Variants in CFAP47 observed in about 807,000 individuals in gnomAD.
CFAP47 encodes the protein cilia and flagella associated protein 47, also known as cilia- and flagella-associated protein 47.
Under a neutral mutation model 148.1 loss-of-function variants are expected in CFAP47, and 29 were observed. The ratio of observed to expected loss-of-function variants is 0.20; its 90% CI spans 0.15 to 0.27. The LOEUF (loss-of-function observed/expected upper bound fraction) is 0.27. Ranked by LOEUF, CFAP47 falls within the 10% of genes least tolerant of loss-of-function variation. CFAP47 has a pLI of 1.00. For synonymous variants in CFAP47, 664 were observed against 577.3 expected (o/e 1.15, Z -2.15); for missense variants, 1,872 against 1,697.5 (o/e 1.10, Z -1.81).
chrX:36,273,539 A>G (rs1940982605), intron 49 of CFAP47, among the ~76,000 whole-genome samples: 1 of 111,321 alleles, frequency 9.0e-6, no homozygotes, highest in Non-Finnish European at 1.9e-5. Flanking sequence ...TTACCAAAGC[A>G]GTCTAATAAT....
rs150134205 is a variant in CFAP47 at position 36,303,476 on chromosome X, T to C, written c.7971-373T>C. Among the ~76,000 whole-genome samples the C allele has an allele frequency of 4.6e-3, 506 of 110,635 alleles. 2 individuals carry two copies. The highest frequency in any genetic ancestry group is 0.014 in the African/African-American group (429 of 30,454). On this transcript the variant is annotated intron_variant, in intron 53 of 63. Coordinates refer to ENST00000378653, the MANE Select transcript of CFAP47 (RefSeq NM_001304548.2). ...TTGGGATTACAGGCATGAGCCACTGTGCCTGGTCTTTTTTAGCTTCTTCTG... is the reference window on the plus strand; with the variant it reads ...TTGGGATTACAGGCATGAGCCACTGCGCCTGGTCTTTTTTAGCTTCTTCTG...
intron 33 of CFAP47, among the ~76,000 whole-genome samples, chrX:36,126,150 C>T (rs963134398): frequency 5.5e-5 from 6 of 108,582 alleles, no homozygotes; most frequent in Non-Finnish European, 1.1e-4. Context: ...AGTTTTGTTA[C>T]ATAGGTATAC....
chrX:36,135,548 C>A (rs556005241), intron 33 of CFAP47, among the ~76,000 whole-genome samples: 1 of 111,752 alleles, frequency 8.9e-6, no homozygotes, highest in African/African-American at 3.2e-5. Context: ...CAAGACCCCA[C>A]AAGACTACAT....
intron 33 of CFAP47, among the ~76,000 whole-genome samples, chrX:36,119,852 CT>C: frequency 9.0e-6 from 1 of 111,558 alleles, no homozygotes; most frequent in Admixed American, 9.5e-5. Context: ...CATATAGTTG[CT>C]CATAGTGTCT....
intron 39 of CFAP47, among the ~76,000 whole-genome samples, chrX:36,161,348 AT>A (rs1939427912): frequency 9.0e-6 from 1 of 111,681 alleles, no homozygotes; most frequent in South Asian, 3.7e-4. Context: ...TTATTAAAAA[AT>A]ATGTATAATT....
At chrX:35,952,748 A>C (rs1053795323) in intron 6 of CFAP47, among the ~76,000 whole-genome samples, 1 of 111,871 alleles carries the variant, frequency 8.9e-6, no homozygotes, top group Admixed American at 9.5e-5. Context: ...ACCTTCATAC[A>C]AGTAGTTTCT....
intron 8 of CFAP47, among the ~76,000 whole-genome samples, chrX:35,961,220 C>G (rs1386858639): frequency 9.0e-6 from 1 of 111,706 alleles, no homozygotes; most frequent in African/African-American, 3.2e-5. Context: ...GTTTTGCTGG[C>G]TTCAGTTTGA....
chrX:36,134,427 A>G (rs1939004198), intron 33 of CFAP47, among the ~76,000 whole-genome samples: 1 of 111,463 alleles, frequency 9.0e-6, no homozygotes, highest in African/African-American at 3.3e-5. Context: ...AAAAGAATAG[A>G]TGTGTAGATC....
intron 40 of CFAP47, among the ~76,000 whole-genome samples, chrX:36,184,012 A>G (rs752809942): frequency 1.4e-4 from 16 of 110,920 alleles, no homozygotes; most frequent in Non-Finnish European, 3.0e-4. Flanking sequence ...AAAGATAAAT[A>G]AGTCACATAT....
chrX:36,296,831 T>C lies in CFAP47; in HGVS notation c.7687-2146T>C, dbSNP rs183079870. 1.5e-3 allele frequency among the ~76,000 whole-genome samples: 167 copies of C among 112,022 alleles called. 1 individual carries two copies. Among genetic ancestry groups the C allele is most frequent in the African/African-American group, 5.0e-3 (155 of 30,903 alleles). On this transcript the variant is annotated intron_variant, in intron 51 of 63. Transcript: ENST00000378653. Reference sequence around the variant, plus strand: ...TACCTTGGCATACCCTTTTTTCTAGTGGTTGTTATTTTTGACCATTGGAAA... The same window carrying C: ...TACCTTGGCATACCCTTTTTTCTAGCGGTTGTTATTTTTGACCATTGGAAA...
chrX:35,952,114 C>T, intron 6 of CFAP47, 151 bp downstream of exon 6: 1 of 525,570 alleles, frequency 1.9e-6, no homozygotes, highest in Non-Finnish European at 2.8e-6. Flanking sequence ...ATGTTTCTAA[C>T]ATGGTTAGTA....
At chrX:36,161,881 T>A (rs1450395670) in intron 39 of CFAP47, among the ~76,000 whole-genome samples, 1 of 112,145 alleles carries the variant, frequency 8.9e-6, no homozygotes, top group Admixed American at 9.5e-5. Context: ...CCTAGGTGCA[T>A]GTAAGAGAGA....
At chrX:36,117,245 T>G in intron 33 of CFAP47, among the ~76,000 whole-genome samples, 1 of 111,530 alleles carries the variant, frequency 9.0e-6, no homozygotes, top group Admixed American at 9.6e-5. Flanking sequence ...GATATATTGG[T>G]TTTCCTTGTT....
At chrX:36,189,031 G>A (rs1480126659) in intron 41 of CFAP47, among the ~76,000 whole-genome samples, 2 of 111,473 alleles carry the variant, frequency 1.8e-5, no homozygotes, top group African/African-American at 3.3e-5. Flanking sequence ...AGAGTTGTAA[G>A]GGGAGCATTT....
At chrX:36,036,677 C>G (rs1276951740) in intron 24 of CFAP47, among the ~76,000 whole-genome samples, 1 of 111,394 alleles carries the variant, frequency 9.0e-6, no homozygotes, top group Non-Finnish European at 1.9e-5. Flanking sequence ...TATAAAATAC[C>G]CAAATTCCGA....
In CFAP47 at chrX:36,310,974, G is replaced by C. The variant is rs868966286; in HGVS notation, c.8329G>C (p.Asp2777His). The C allele has an allele frequency of 1.8e-6, 2 of 1,090,931 alleles. No individual in the cohort carries two copies. The highest frequency in any genetic ancestry group is 2.4e-6 in the Non-Finnish European group (2 of 827,918). The allele number at this position is 1,090,931 out of a possible 1,213,427, so 89.9% of individuals were successfully genotyped here. A position where few individuals can be genotyped will look rare whatever the true frequency, so the allele number is the denominator to read the frequency against. Reference sequence around the variant, plus strand: ...TCCCACAATGGAAGATGTCCTCATTGATATAATACTGACAAGTAAGTTGTT... The same window carrying C: ...TCCCACAATGGAAGATGTCCTCATTCATATAATACTGACAAGTAAGTTGTT... ...KNPTMEDVLIDIILTSVEHPR... is the reference protein window; with the variant it reads ...KNPTMEDVLIHIILTSVEHPR... The change falls in exon 56 of 64, where the codon GAT (aspartate) becomes CAT (histidine). Residue 2777 changes from aspartate to histidine, a missense_variant. Physicochemically the swap from Asp to His is moderately conservative, Grantham distance 81. Coordinates refer to ENST00000378653, the MANE Select transcript of CFAP47 (RefSeq NM_001304548.2).
intron 33 of CFAP47, among the ~76,000 whole-genome samples, chrX:36,105,358 A>C: frequency 9.0e-6 from 1 of 111,368 alleles, no homozygotes; most frequent in Middle Eastern, 4.6e-3. Flanking sequence ...CTTCAATTCA[A>C]CTCCTTTCTT....
chrX:36,354,507 C>T (rs1415947286), intron 60 of CFAP47, among the ~76,000 whole-genome samples: 1 of 103,088 alleles, frequency 9.7e-6, no homozygotes, highest in African/African-American at 3.5e-5. Flanking sequence ...AAAAGATTTA[C>T]TATCTCAATT....
intron 31 of CFAP47, among the ~76,000 whole-genome samples, chrX:36,099,377 T>G (rs2146791166): frequency 9.1e-6 from 1 of 109,892 alleles, no homozygotes; most frequent in African/African-American, 3.3e-5. Flanking sequence ...GGACTCTCAC[T>G]ATGCTTGCCA....
Sources: gnomAD v4.1 joint callset for allele counts (sites outside exome capture counted in the v4.1 genomes callset) on GRCh38, gnomAD v4.1.1 for gene constraint, MANE v1.5 for transcripts, NCBI Gene and HGNC (gene_info 2026-07-23, HGNC 2026-07-21) for gene names.